Variants in KIF6 observed in about 807,000 individuals in gnomAD.
KIF6 encodes kinesin family member 6.
KIF6 carries 106 observed loss-of-function variants against 112.7 expected under a neutral mutation model. The observed-to-expected ratio is 0.94, with a 90% CI of 0.80 to 1.11. The LOEUF (loss-of-function observed/expected upper bound fraction) is 1.11. Ranked by LOEUF, KIF6 falls within the 50% of genes least tolerant of loss-of-function variation. The pLI, the probability that KIF6 is intolerant of heterozygous loss-of-function variation, is 0.00. For missense variants in KIF6, 929 were observed against 964.0 expected, an observed-to-expected ratio of 0.96 and a Z score of 0.48; for synonymous variants, 339 against 339.9, an observed-to-expected ratio of 1.00 and a Z score of 0.03.
At chr6:39,669,858 C>T (rs567979975) in intron 3 of KIF6, among the ~76,000 whole-genome samples, 90 of 152,330 alleles carry the variant, frequency 5.9e-4, no homozygotes, top group Non-Finnish European at 1.0e-3. Flanking sequence ...CTCCAGCATA[C>T]GCAGACTTAA....
intron 10 of KIF6, among the ~76,000 whole-genome samples, chr6:39,573,769 T>G (rs1212031038): frequency 6.6e-6 from 1 of 152,234 alleles, no homozygotes; most frequent in African/African-American, 2.4e-5. Context: ...ATTCTCGTTG[T>G]ATTTTGTTTA....
At chr6:39,536,955 A>G (rs1172473141) in intron 13 of KIF6, among the ~76,000 whole-genome samples, 1 of 151,666 alleles carries the variant, frequency 6.6e-6, no homozygotes, top group Non-Finnish European at 1.5e-5. Flanking sequence ...ACAGAACCAA[A>G]GACAAAAACC....
chr6:39,588,614 A>G (rs1412863222), intron 7 of KIF6, among the ~76,000 whole-genome samples: 1 of 152,104 alleles, frequency 6.6e-6, no homozygotes, highest in Non-Finnish European at 1.5e-5. Context: ...GCAACTCTAC[A>G]TCTCCATCTG....
chr6:39,508,245 C>T (rs1180054127), intron 13 of KIF6, among the ~76,000 whole-genome samples: 1 of 151,936 alleles, frequency 6.6e-6, no homozygotes, highest in Non-Finnish European at 1.5e-5. Context: ...GGGTCGCTTC[C>T]AAGATGGCTG....
chr6:39,445,313 G>T (rs1333359664), intron 13 of KIF6, among the ~76,000 whole-genome samples: 1 of 152,156 alleles, frequency 6.6e-6, no homozygotes, highest in Admixed American at 6.5e-5. Flanking sequence ...GTGAAAAGAG[G>T]CAAGAAGCAT....
chr6:39,527,959 C>G (rs1192297485), intron 13 of KIF6, among the ~76,000 whole-genome samples: 1 of 152,174 alleles, frequency 6.6e-6, no homozygotes, highest in African/African-American at 2.4e-5. Context: ...AAATACTTAT[C>G]ATTTCTTTGT....
intron 13 of KIF6, among the ~76,000 whole-genome samples, chr6:39,495,218 C>T (rs1048905898): frequency 3.9e-5 from 6 of 152,152 alleles, no homozygotes; most frequent in South Asian, 2.1e-4. Context: ...TGGAGGACTC[C>T]GTCTGAGCTC....
At chr6:39,530,169 C>A (rs1300409482) in intron 13 of KIF6, among the ~76,000 whole-genome samples, 1 of 152,182 alleles carries the variant, frequency 6.6e-6, no homozygotes, top group Non-Finnish European at 1.5e-5. Context: ...ATATACACAG[C>A]AGGGACTCAA....
At chr6:39,591,729 T>C (rs1582218390) in intron 7 of KIF6, among the ~76,000 whole-genome samples, 1 of 152,170 alleles carries the variant, frequency 6.6e-6, no homozygotes, top group Admixed American at 6.6e-5. Context: ...GAGGCAGAGG[T>C]AGATTATTCT....
intron 15 of KIF6, among the ~76,000 whole-genome samples, chr6:39,418,881 G>C (rs1357201305): frequency 6.6e-6 from 1 of 152,166 alleles, no homozygotes; most frequent in Non-Finnish European, 1.5e-5. Flanking sequence ...CTTGTAGGCG[G>C]AGAAAAGGGG....
Position 39,675,911 on chromosome 6 carries a change from A to T in KIF6, c.252-36154T>A, listed in dbSNP as rs531173088. ...CTTAATGAACTAGAAGAAATATTTG[A>T]AGAAACTACTCAAAATGCAAGAAAG... On this transcript the variant is annotated intron_variant, in intron 3 of 22. Transcript: ENST00000287152. Among the ~76,000 whole-genome samples, 9 of 152,130 alleles carry T rather than the reference A, an allele frequency of 5.9e-5. No homozygotes were observed. The East Asian group carries it at 1.7e-3, about 29-fold the overall frequency.
intron 15 of KIF6, among the ~76,000 whole-genome samples, chr6:39,399,512 C>A (rs908691059): frequency 6.6e-6 from 1 of 152,218 alleles, no homozygotes; most frequent in Non-Finnish European, 1.5e-5. Context: ...TTGTTGGTCA[C>A]TGGGGGGAGT....
At chr6:39,645,046 G>T (rs1785095246) in intron 3 of KIF6, among the ~76,000 whole-genome samples, 1 of 152,068 alleles carries the variant, frequency 6.6e-6, no homozygotes, top group Non-Finnish European at 1.5e-5. Flanking sequence ...AACAATGCAG[G>T]CTGCTGCTTA....
intron 14 of KIF6, among the ~76,000 whole-genome samples, chr6:39,425,953 T>G (rs773440465): frequency 1.3e-5 from 2 of 152,182 alleles, no homozygotes; most frequent in Non-Finnish European, 2.9e-5. Flanking sequence ...GCTGTTTGAT[T>G]CTATGTTAGA....
chr6:39,531,321 A>T (rs1582063293), intron 13 of KIF6, among the ~76,000 whole-genome samples: 1 of 152,332 alleles, frequency 6.6e-6, no homozygotes, highest in East Asian at 1.9e-4. Context: ...GGAGGAAAAG[A>T]GTTACTGAAA....
At chr6:39,429,704 T>TC (rs1158194964) in intron 14 of KIF6, among the ~76,000 whole-genome samples, 33 of 152,270 alleles carry the variant, frequency 2.2e-4, no homozygotes, top group East Asian at 7.7e-4. Flanking sequence ...GGTCAGCAGA[T>TC]GAGACCATCG....
At chr6:39,568,601 A>T (rs1370508762) in intron 10 of KIF6, among the ~76,000 whole-genome samples, 7 of 151,134 alleles carry the variant, frequency 4.6e-5, no homozygotes, top group Non-Finnish European at 1.0e-4. Context: ...CCCAGGCTGG[A>T]GCACAGTGGC....
intron 13 of KIF6, among the ~76,000 whole-genome samples, chr6:39,506,709 G>T (rs1776446317): frequency 6.6e-6 from 1 of 152,058 alleles, no homozygotes; most frequent in Non-Finnish European, 1.5e-5. Context: ...GGTGACAGGT[G>T]TATCTTTCAT....
chr6:39,680,995 A>T (rs906915491), intron 3 of KIF6, among the ~76,000 whole-genome samples: 1 of 152,206 alleles, frequency 6.6e-6, no homozygotes, highest in Non-Finnish European at 1.5e-5. Flanking sequence ...CTTTGGGTAC[A>T]AGGAAGAGGG....
Sources: gnomAD v4.1 joint callset for allele counts (sites outside exome capture counted in the v4.1 genomes callset) on GRCh38, gnomAD v4.1.1 for gene constraint, MANE v1.5 for transcripts, NCBI Gene and HGNC (gene_info 2026-07-23, HGNC 2026-07-21) for gene names.